Variants in CCDC149 observed in about 807,000 individuals in gnomAD.
CCDC149 encodes the protein coiled-coil domain containing 149, also known as coiled-coil domain-containing protein 149.
A neutral mutation model predicts 59.9 loss-of-function variants in CCDC149; 45 were observed. That is an observed-to-expected ratio of 0.75 (90% CI 0.59 to 0.96). CCDC149 has a LOEUF of 0.96. Ranked by LOEUF, CCDC149 falls within the 40% of genes least tolerant of loss-of-function variation. CCDC149 has a pLI of 0.00. For synonymous variants in CCDC149, 245 were observed against 260.6 expected, an observed-to-expected ratio of 0.94 and a Z score of 0.58; for missense variants, 584 against 664.7, an observed-to-expected ratio of 0.88 and a Z score of 1.33.
chr4:24,931,698 A>G (rs1182411401), intron 1 of CCDC149, among the ~76,000 whole-genome samples: 1 of 151,706 alleles, frequency 6.6e-6, no homozygotes, highest in Admixed American at 6.6e-5. Flanking sequence ...TTTTATGAGC[A>G]TTATTGTCTT....
rs1553854312 is a variant in CCDC149, at chr4:24,874,256, T to TTTG, written c.226-538_226-537insCAA. On this transcript the variant is annotated intron_variant, in intron 2 of 12. Coordinates refer to ENST00000635206, the MANE Select transcript of CCDC149 (RefSeq NM_001330643.2). ...TCCTATTAGATTTGTTTTTTTTTTTTTTTGTTTTGTTTTTTTTTGTTTTTT... is the reference window on the plus strand; with the variant it reads ...TCCTATTAGATTTGTTTTTTTTTTTTTTGTTTGTTTTGTTTTTTTTTGTTTTTT... Among the ~76,000 whole-genome samples, 162 of 55,550 alleles carry TTTG rather than the reference T, an allele frequency of 2.9e-3. 9 individuals carry two copies. The highest frequency in any genetic ancestry group is 0.013 in the African/African-American group (152 of 11,784). The allele number at this position is 55,550 out of a possible 152,430, so 36.4% of individuals were successfully genotyped here.
chr4:24,816,001 A>G (rs1714990847), intron 12 of CCDC149, among the ~76,000 whole-genome samples: 3 of 152,140 alleles, frequency 2.0e-5, no homozygotes, highest in South Asian at 4.1e-4. Flanking sequence ...GAGCTACAGG[A>G]GCCAGGGTCT....
chr4:24,922,178 G>T (rs997952583), intron 1 of CCDC149, among the ~76,000 whole-genome samples: 2 of 152,182 alleles, frequency 1.3e-5, no homozygotes, highest in Admixed American at 6.5e-5. Context: ...AATTACATCT[G>T]CAATGACCCT....
chr4:24,950,781 T>C (rs1475196639), intron 1 of CCDC149, among the ~76,000 whole-genome samples: 1 of 152,204 alleles, frequency 6.6e-6, no homozygotes, highest in Non-Finnish European at 1.5e-5. Flanking sequence ...ACAAGCTATG[T>C]TTACTAAGGA....
At chr4:24,977,542 G>A (rs1163554529) in intron 1 of CCDC149, among the ~76,000 whole-genome samples, 1 of 152,136 alleles carries the variant, frequency 6.6e-6, no homozygotes, top group African/African-American at 2.4e-5. Context: ...GAATCAACAA[G>A]CCTGTCTAGC....
intron 12 of CCDC149, among the ~76,000 whole-genome samples, chr4:24,813,820 G>A (rs149363573): frequency 6.6e-6 from 1 of 152,122 alleles, no homozygotes; most frequent in East Asian, 1.9e-4. Context: ...AGAAATGAAA[G>A]AGTGAAATCA....
intron 4 of CCDC149, among the ~76,000 whole-genome samples, chr4:24,852,242 C>T (rs907460601): frequency 6.7e-6 from 1 of 149,872 alleles, no homozygotes; most frequent in South Asian, 2.2e-4. Context: ...AATTTGGTAA[C>T]ATCTAAAAAC....
At position 24,837,913 on chromosome 4, in the gene CCDC149, A is replaced by C. The variant is rs1405018724; in HGVS notation, c.489+243T>G. ...TCTCTCCCTGTCTATCCTGGCTAGGAGGAACGTTTCTTGTTGTGTTCAGAA... is the reference window on the plus strand; with the variant it reads ...TCTCTCCCTGTCTATCCTGGCTAGGCGGAACGTTTCTTGTTGTGTTCAGAA... On this transcript the variant is annotated intron_variant, in intron 5 of 12. Coordinates refer to ENST00000635206, the MANE Select transcript of CCDC149 (RefSeq NM_001330643.2). This position sits in a 1 kb window ranked among gnomAD's most constrained non-coding sequence, Gnocchi z 4.3. Among the ~76,000 whole-genome samples, 1 of 152,196 alleles carries C rather than the reference A, an allele frequency of 6.6e-6. No homozygotes were observed. Among genetic ancestry groups the C allele is most frequent in the African/African-American group, 2.4e-5 (1 of 41,430 alleles).
At chr4:24,886,270 G>A (rs1440232634) in intron 1 of CCDC149, among the ~76,000 whole-genome samples, 1 of 152,186 alleles carries the variant, frequency 6.6e-6, no homozygotes, top group Non-Finnish European at 1.5e-5. Flanking sequence ...AGGCAAATCT[G>A]GGCAATGGAG....
At chr4:24,826,017 A>G (rs962190774) in intron 9 of CCDC149, among the ~76,000 whole-genome samples, 3 of 151,932 alleles carry the variant, frequency 2.0e-5, no homozygotes, top group Non-Finnish European at 2.9e-5. Context: ...GTGCAGTGGC[A>G]TGATCTCAGC....
At chr4:24,827,544 C>T (rs1715842749) in intron 9 of CCDC149, 1 of 152,254 alleles carries the variant, frequency 6.6e-6, no homozygotes, top group Non-Finnish European at 1.5e-5. Context: ...AAATGTGGTG[C>T]ACAGTGAAAT....
intron 1 of CCDC149, among the ~76,000 whole-genome samples, chr4:24,941,083 C>T (rs1722941804): frequency 6.6e-6 from 1 of 152,212 alleles, no homozygotes; most frequent in Admixed American, 6.5e-5. Flanking sequence ...CCAAAATCAA[C>T]AGAATATACA....
At chr4:24,961,960 G>A (rs1577508463) in intron 1 of CCDC149, among the ~76,000 whole-genome samples, 1 of 151,388 alleles carries the variant, frequency 6.6e-6, no homozygotes, top group Admixed American at 6.6e-5. Context: ...ATTGACAAAT[G>A]GGATCTAATT....
At chr4:24,804,427 G>C (rs900734999), downstream of CCDC149, among the ~76,000 whole-genome samples, 7 of 149,316 alleles carry the variant, frequency 4.7e-5, no homozygotes, top group African/African-American at 7.4e-5. Context: ...GGAAGTGGAG[G>C]TTGCAGTGAG....
At chr4:24,976,208 T>C (rs1724187165) in intron 1 of CCDC149, among the ~76,000 whole-genome samples, 1 of 152,212 alleles carries the variant, frequency 6.6e-6, no homozygotes, top group South Asian at 2.1e-4. Flanking sequence ...AAAGAGATCC[T>C]TACTAATCTA....
At chr4:24,900,886 G>A (rs1721126110) in intron 1 of CCDC149, among the ~76,000 whole-genome samples, 1 of 152,108 alleles carries the variant, frequency 6.6e-6, no homozygotes, top group Non-Finnish European at 1.5e-5. Flanking sequence ...CAGAATGCAT[G>A]GCAGATCATT....
intron 1 of CCDC149, among the ~76,000 whole-genome samples, chr4:24,960,024 A>G (rs1723593759): frequency 6.6e-6 from 1 of 152,218 alleles, no homozygotes; most frequent in African/African-American, 2.4e-5. Context: ...TCCTCTTTAT[A>G]TCTTTTAATA....
intron 1 of CCDC149, among the ~76,000 whole-genome samples, chr4:24,902,606 G>T (rs1222288382): frequency 1.3e-5 from 2 of 152,192 alleles, no homozygotes; most frequent in Admixed American, 1.3e-4. Context: ...CTCAGTTAAA[G>T]TTCAACTTCT....
chr4:24,828,146 A>G (rs998790158), intron 9 of CCDC149: 1 of 152,176 alleles, frequency 6.6e-6, no homozygotes, highest in African/African-American at 2.4e-5. Flanking sequence ...AGTATTAAAG[A>G]TGGCACATTA....
Sources: allele counts gnomAD v4.1 joint callset (sites outside exome capture counted in the v4.1 genomes callset), GRCh38; gene constraint gnomAD v4.1.1; non-coding constraint Gnocchi (gnomAD v3.1); transcripts MANE v1.5; gene names NCBI Gene and HGNC (gene_info 2026-07-23, HGNC 2026-07-21).